ZNF92: variants seen among roughly 807,000 people sequenced by gnomAD.
ZNF92 encodes zinc finger protein 92, also known as epididymis luminal protein 203.
A neutral mutation model predicts 12.4 loss-of-function variants in ZNF92; 11 were observed. The observed-to-expected ratio is 0.89, with a 90% CI of 0.56 to 1.47. The LOEUF (loss-of-function observed/expected upper bound fraction) is 1.47, where lower values mean the gene tolerates loss of function less well. Ranked by LOEUF, ZNF92 falls within the 40% of genes most tolerant of loss-of-function variation. The pLI is 0.00. For synonymous variants in ZNF92, 206 were observed against 228.6 expected, an observed-to-expected ratio of 0.90 and a Z score of 0.89; for missense variants, 622 against 681.0, an observed-to-expected ratio of 0.91 and a Z score of 0.96.
At chr7:65,397,521 T>C (rs1322313551) in intron 3 of ZNF92, among the ~76,000 whole-genome samples, 2 of 152,104 alleles carry the variant, frequency 1.3e-5, no homozygotes, top group Non-Finnish European at 2.9e-5. Flanking sequence ...TTCTAAAAAT[T>C]TTATATTTTT....
chr7:65,378,250 C>T (rs750729255), intron 1 of ZNF92, among the ~76,000 whole-genome samples: 2 of 149,872 alleles, frequency 1.3e-5, no homozygotes, highest in Non-Finnish European at 3.0e-5. Context: ...GTGAACTGAG[C>T]GTTACTGCAC....
intron 1 of ZNF92, among the ~76,000 whole-genome samples, chr7:65,375,549 G>C (rs1207878289): frequency 6.6e-6 from 1 of 151,628 alleles, no homozygotes; most frequent in East Asian, 1.9e-4. Flanking sequence ...GTACTGGGAG[G>C]AAAACACCAA....
intron 1 of ZNF92, among the ~76,000 whole-genome samples, chr7:65,374,314 G>A (rs1793179383): frequency 6.6e-6 from 1 of 152,158 alleles, no homozygotes; most frequent in Admixed American, 6.5e-5. Flanking sequence ...GAATAGTAAA[G>A]AGAAGAATCC....
intron 1 of ZNF92, among the ~76,000 whole-genome samples, chr7:65,375,741 G>T (rs1014846605): frequency 6.6e-6 from 1 of 151,606 alleles, no homozygotes; most frequent in Non-Finnish European, 1.5e-5. Flanking sequence ...CCAGCTACTC[G>T]GGAGGCTGAG....
intron 3 of ZNF92, among the ~76,000 whole-genome samples, chr7:65,389,751 G>A (rs7807322): frequency 0.27 from 40,120 of 151,368 alleles, 6,731 homozygotes; most frequent in African/African-American, 0.45. Context: ...TCTTGACCTT[G>A]TGATCCGCCC....
chr7:65,375,137 C>T (rs1793204842), intron 1 of ZNF92, among the ~76,000 whole-genome samples: 1 of 152,000 alleles, frequency 6.6e-6, no homozygotes, highest in South Asian at 2.1e-4. Flanking sequence ...ATCTCTGTGC[C>T]TCTTTTCTTT....
chr7:65,387,510 G>GA (rs893315957), intron 1 of ZNF92, among the ~76,000 whole-genome samples: 2 of 151,992 alleles, frequency 1.3e-5, no homozygotes, highest in African/African-American at 4.8e-5. Context: ...CAGATGTTCT[G>GA]AAAAAATATA....
intron 1 of ZNF92, among the ~76,000 whole-genome samples, chr7:65,386,449 T>C (rs1225417106): frequency 6.6e-6 from 1 of 152,096 alleles, no homozygotes; most frequent in Non-Finnish European, 1.5e-5. Context: ...AGGATGAATA[T>C]ACTCAAGATT....
chr7:65,393,222 G>A (rs1793763039), intron 3 of ZNF92, among the ~76,000 whole-genome samples: 1 of 152,070 alleles, frequency 6.6e-6, no homozygotes, highest in Admixed American at 6.5e-5. Context: ...CTATTTTTAT[G>A]AGTGTGACTG....
chr7:65,392,143 T>A (rs1793733100), intron 3 of ZNF92, among the ~76,000 whole-genome samples: 1 of 152,082 alleles, frequency 6.6e-6, no homozygotes, highest in Non-Finnish European at 1.5e-5. Context: ...TGATTATATA[T>A]GTGTGTGTTT....
chr7:65,398,898 T>C lies in ZNF92; in HGVS notation c.784T>C (p.Cys262Arg). The change falls in exon 4 of 4, where the codon TGT (cysteine) becomes CGT (arginine). Residue 262 changes from cysteine (C) to arginine (R), a missense_variant. Coordinates refer to ENST00000328747, the MANE Select transcript of ZNF92 (RefSeq NM_152626.4). The stretch of plus-strand genomic sequence containing the variant: ...AGAGAAACCCTACAAATGTGAAGAA[T>C]GTGGCAAAGCTTTTAACCGGTCCTC... ...TGEKPYKCEE[C>R]GKAFNRSSTL... 1 of 1,613,248 alleles carries C rather than the reference T, an allele frequency of 6.2e-7. No homozygotes were observed. The highest frequency in any genetic ancestry group is 2.2e-5 in the East Asian group (1 of 44,826).
chr7:65,377,604 G>A (rs1053766290), intron 1 of ZNF92, among the ~76,000 whole-genome samples: 2 of 82,808 alleles, frequency 2.4e-5, no homozygotes, highest in Admixed American at 1.5e-4. Flanking sequence ...GTGCACTGGC[G>A]CGATCTAGAC....
chr7:65,388,224 G>T, intron 2 of ZNF92, 196 bp downstream of exon 2: 1 of 432,158 alleles, frequency 2.3e-6, no homozygotes, highest in East Asian at 6.2e-5. Flanking sequence ...ACATTCCTGA[G>T]CTGATCTATA....
At chr7:65,379,501 A>G (rs1584274754) in intron 1 of ZNF92, among the ~76,000 whole-genome samples, 1 of 152,180 alleles carries the variant, frequency 6.6e-6, no homozygotes, top group East Asian at 1.9e-4. Flanking sequence ...AGAAGCTCTG[A>G]TAACAGACAT....
chr7:65,374,090 G>A lies in ZNF92; in HGVS notation c.3+90G>A, dbSNP rs1793167311. 1.3e-6 allele frequency: 2 copies of A among 1,567,988 alleles called. 1 individual carries two copies. Among genetic ancestry groups the A allele is most frequent in the East Asian group, 4.5e-5 (2 of 44,526 alleles). On this transcript the variant is annotated intron_variant, in intron 1 of 3. Coordinates refer to ENST00000328747, the MANE Select transcript of ZNF92 (RefSeq NM_152626.4). ...GCTGTGGCGGGCCTCGGGCCTTCCC[G>A]CAGTCGGCTCCGAGATCCGCGGCCC...
Position 65,374,064 on chromosome 7 carries a change from G to T in ZNF92, c.3+64G>T. ...GGTCTGGCTGGAACCGATTGGAAGT[G>T]GCTGTGGCGGGCCTCGGGCCTTCCC... On this transcript the variant is annotated intron_variant, in intron 1 of 3. Transcript: ENST00000328747. 1.9e-6 allele frequency: 3 copies of T among 1,608,988 alleles called. No individual in the cohort carries two copies. The Middle Eastern group carries it at 5.0e-4, about 267-fold the overall frequency.
chr7:65,384,760 T>C (rs1409974057), intron 1 of ZNF92, among the ~76,000 whole-genome samples: 2 of 152,076 alleles, frequency 1.3e-5, no homozygotes, highest in East Asian at 1.9e-4. Context: ...ATGACAAATA[T>C]AAATGCTGGG....
intron 3 of ZNF92, among the ~76,000 whole-genome samples, chr7:65,389,777 A>G (rs529498344): frequency 1.1e-4 from 17 of 151,566 alleles, no homozygotes; most frequent in African/African-American, 4.1e-4. Flanking sequence ...GGCCTCCCAA[A>G]GTGCTGGGAT....
At position 65,399,910 on chromosome 7, in the gene ZNF92, T is replaced by G. The variant is rs370092484; in HGVS notation, c.*35T>G. 8 of 1,510,470 alleles carry G rather than the reference T, an allele frequency of 5.3e-6. No individual in the cohort carries two copies. In the South Asian group the frequency reaches 1.1e-4, roughly 21 times the overall value. The allele number at this position is 1,510,470 out of a possible 1,614,324, so 93.6% of individuals were successfully genotyped here. ...CAATGATTTTCACTACACCTCAAACTTTTCTAAACATAAACCATATTGGTG... is the reference window on the plus strand; with the variant it reads ...CAATGATTTTCACTACACCTCAAACGTTTCTAAACATAAACCATATTGGTG... On this transcript the variant is annotated 3_prime_UTR_variant, in exon 4 of 4. Transcript: ENST00000328747.
Sources: gnomAD v4.1 joint callset for allele counts (sites outside exome capture counted in the v4.1 genomes callset) on GRCh38, gnomAD v4.1.1 for gene constraint, MANE v1.5 for transcripts, NCBI Gene and HGNC (gene_info 2026-07-23, HGNC 2026-07-21) for gene names.